Variants in RBFOX1 observed in about 807,000 individuals in gnomAD.
RBFOX1 encodes the protein RNA binding protein fox-1 homolog 1.
A neutral mutation model predicts 57.7 loss-of-function variants in RBFOX1; 8 were observed. That is an observed-to-expected ratio of 0.14 (90% CI 0.08 to 0.25). The LOEUF is 0.25. Among genes scored for constraint, RBFOX1 ranks in the 10% least tolerant of loss-of-function variants. The pLI is 1.00. For synonymous variants in RBFOX1, 326 were observed against 222.4 expected, an observed-to-expected ratio of 1.47 and a Z score of -4.15; for missense variants, 611 against 548.5, an observed-to-expected ratio of 1.11 and a Z score of -1.14.
Position 7,214,230 on chromosome 16 carries a change from A to G in RBFOX1, c.27+162132A>G, listed in dbSNP as rs115345079. The stretch of plus-strand genomic sequence containing the variant: ...ATGTCACCCCTACAATTTTCTGTGA[A>G]GTGTTTTTTTCTCAAAAGACTTCTG... On this transcript the variant is annotated intron_variant, in intron 4 of 15. Transcript: ENST00000550418. Among the ~76,000 whole-genome samples the G allele has an allele frequency of 8.8e-3, 1,333 of 152,248 alleles. 25 individuals are homozygous for G. The highest frequency in any genetic ancestry group is 0.03 in the African/African-American group (1,267 of 41,542).
At chr16:5,929,809 C>G (rs931682857) in intron 4 of RBFOX1, among the ~76,000 whole-genome samples, 35 of 150,914 alleles carry the variant, frequency 2.3e-4, no homozygotes, top group African/African-American at 2.4e-4. Context: ...ACAGAACTCA[C>G]TAAGAGCTGG....
intron 3 of RBFOX1, among the ~76,000 whole-genome samples, chr16:6,729,525 A>T (rs965955510): frequency 2.0e-5 from 3 of 152,190 alleles, no homozygotes; most frequent in Non-Finnish European, 2.9e-5. Context: ...AACAAAGAAG[A>T]TGTTTATATA....
chr16:7,613,465 A>G (rs1402871567), intron 10 of RBFOX1, among the ~76,000 whole-genome samples: 2 of 152,188 alleles, frequency 1.3e-5, no homozygotes, highest in South Asian at 4.1e-4. Flanking sequence ...TATCCATTTC[A>G]GAAAGAACCT....
chr16:6,868,392 T>C (rs1052048501), intron 3 of RBFOX1, among the ~76,000 whole-genome samples: 3 of 152,188 alleles, frequency 2.0e-5, no homozygotes, highest in African/African-American at 4.8e-5. Flanking sequence ...CTGTAAGTTT[T>C]CTTTTGGGTT....
At chr16:6,599,465 CA>C (rs1452731849) in intron 2 of RBFOX1, among the ~76,000 whole-genome samples, 5 of 151,818 alleles carry the variant, frequency 3.3e-5, no homozygotes, top group African/African-American at 7.3e-5. Flanking sequence ...AAGGACGCTT[CA>C]AAAAAATACT....
At chr16:6,834,369 G>T (rs577504511) in intron 3 of RBFOX1, among the ~76,000 whole-genome samples, 3 of 152,172 alleles carry the variant, frequency 2.0e-5, no homozygotes, top group Admixed American at 6.5e-5. Flanking sequence ...GAGGCACCAC[G>T]CCTGGCCCTG....
chr16:5,442,564 C>T (rs953610063), intron 1 of RBFOX1, among the ~76,000 whole-genome samples: 4 of 152,118 alleles, frequency 2.6e-5, no homozygotes, highest in Admixed American at 6.5e-5. Flanking sequence ...AAAACCAAAT[C>T]CCCGAGGGAA....
rs372409456 is a variant in RBFOX1, at chr16:6,585,804, C to T, written c.-63-68799C>T. Among the ~76,000 whole-genome samples, 5 of 152,218 alleles carry T rather than the reference C, an allele frequency of 3.3e-5. No individual in the cohort carries two copies. In the South Asian group the frequency reaches 6.2e-4, roughly 19 times the overall value. On this transcript the variant is annotated intron_variant, in intron 2 of 15. Transcript: ENST00000550418. ...TTTTTTTCTTCTTTCTTTCTCTCCT[C>T]TTTGACAATTTGTGTAGGGGTCTGT...
chr16:5,459,109 T>C (rs2068714913), intron 1 of RBFOX1, among the ~76,000 whole-genome samples: 1 of 152,188 alleles, frequency 6.6e-6, no homozygotes, highest in South Asian at 2.1e-4. Flanking sequence ...TCTTGGTGAC[T>C]CTCAGAGTCT....
chr16:7,204,853 C>T (rs1186799471), intron 4 of RBFOX1, among the ~76,000 whole-genome samples: 1 of 152,140 alleles, frequency 6.6e-6, no homozygotes, highest in East Asian at 1.9e-4. Context: ...TGGCATTCGC[C>T]ATTCTACTCC....
intron 1 of RBFOX1, among the ~76,000 whole-genome samples, chr16:6,153,539 T>C (rs1003553847): frequency 1.3e-5 from 2 of 152,084 alleles, no homozygotes; most frequent in Non-Finnish European, 2.9e-5. Context: ...ATTGTACGTT[T>C]TTTTTTTCCC....
At chr16:7,090,310 G>A (rs993120885) in intron 4 of RBFOX1, among the ~76,000 whole-genome samples, 1 of 152,164 alleles carries the variant, frequency 6.6e-6, no homozygotes, top group Non-Finnish European at 1.5e-5. Flanking sequence ...GCACCTATCT[G>A]TGTTAATAGC....
chr16:6,914,277 CATT>C (rs1567853914), intron 3 of RBFOX1, among the ~76,000 whole-genome samples: 1 of 152,102 alleles, frequency 6.6e-6, no homozygotes, highest in Non-Finnish European at 1.5e-5. Context: ...AGAAAATAAT[CATT>C]ATAATTATAA....
intron 3 of RBFOX1, among the ~76,000 whole-genome samples, chr16:6,868,930 C>T (rs34791691): frequency 6.6e-6 from 1 of 152,044 alleles, no homozygotes; most frequent in Admixed American, 6.5e-5. Context: ...ACCACATTTT[C>T]TAGCCCTTGC....
chr16:7,611,306 C>A (rs1034939236), intron 10 of RBFOX1, among the ~76,000 whole-genome samples: 1 of 152,186 alleles, frequency 6.6e-6, no homozygotes, highest in Non-Finnish European at 1.5e-5. Context: ...AAGTTATTGA[C>A]CAGGCGTGGT....
chr16:5,655,540 A>G (rs1378607450), intron 3 of RBFOX1, among the ~76,000 whole-genome samples: 1 of 152,212 alleles, frequency 6.6e-6, no homozygotes, highest in Non-Finnish European at 1.5e-5. Flanking sequence ...ATTCCTTCCC[A>G]GAATTTTTCA....
chr16:5,511,326 G>A (rs983604185), intron 2 of RBFOX1, among the ~76,000 whole-genome samples: 9 of 152,234 alleles, frequency 5.9e-5, no homozygotes, highest in African/African-American at 1.9e-4. Context: ...GCTAAGAGGA[G>A]CTGAGGTTAC....
intron 2 of RBFOX1, among the ~76,000 whole-genome samples, chr16:6,413,019 A>C (rs1596836057): frequency 6.6e-6 from 1 of 152,214 alleles, no homozygotes; most frequent in Non-Finnish European, 1.5e-5. Context: ...AGGCTCAGCT[A>C]TTTTTAAAAA....
chr16:5,739,343 G>A (rs987053544), intron 3 of RBFOX1, among the ~76,000 whole-genome samples: 4 of 152,244 alleles, frequency 2.6e-5, no homozygotes, highest in African/African-American at 9.6e-5. Flanking sequence ...GTAGCAGGCA[G>A]TACTCAAGGC....
Sources: gnomAD v4.1 joint callset for allele counts (sites outside exome capture counted in the v4.1 genomes callset) on GRCh38, gnomAD v4.1.1 for gene constraint, MANE v1.5 for transcripts, NCBI Gene and HGNC (gene_info 2026-07-23, HGNC 2026-07-21) for gene names.